The following TTBK2 variants were observed in gnomAD, a reference collection of about 807,000 sequenced individuals.
TTBK2 encodes tau tubulin kinase 2.
In TTBK2, 28 loss-of-function variants were observed where a neutral mutation model predicts 110.8. That is an observed-to-expected ratio of 0.25 (90% confidence interval 0.19 to 0.35). The LOEUF (loss-of-function observed/expected upper bound fraction) is 0.35, where lower values mean the gene tolerates loss of function less well. Ranked by LOEUF, TTBK2 falls within the 10% of genes least tolerant of loss-of-function variation. TTBK2 has a pLI of 1.00. For synonymous variants in TTBK2, 532 were observed against 527.3 expected, an observed-to-expected ratio of 1.01 and a Z score of -0.12; for missense variants, 1,369 against 1,500.3, an observed-to-expected ratio of 0.91 and a Z score of 1.45.
intron 6 of TTBK2, among the ~76,000 whole-genome samples, chr15:42,818,536 G>A (rs1464739946): frequency 2.6e-5 from 4 of 151,930 alleles, no homozygotes; most frequent in East Asian, 2.0e-4. Flanking sequence ...TGGCTAACAC[G>A]GTGAAACCCC....
intron 8 of TTBK2, among the ~76,000 whole-genome samples, 181 bp from the exon 9 acceptor site, chr15:42,810,920 C>T (rs1283666613): frequency 6.6e-6 from 1 of 152,148 alleles, no homozygotes; most frequent in African/African-American, 2.4e-5. Context: ...CGGAAAAAAA[C>T]TATAATGCAG....
At chr15:42,911,601 C>G (rs1158396708) in intron 1 of TTBK2, among the ~76,000 whole-genome samples, 5 of 152,170 alleles carry the variant, frequency 3.3e-5, no homozygotes, top group Non-Finnish European at 5.9e-5. Flanking sequence ...GGAGCCCAGA[C>G]TCATGAGAAG....
At chr15:42,886,771 T>C (rs1596024145) in intron 1 of TTBK2, among the ~76,000 whole-genome samples, 1 of 152,216 alleles carries the variant, frequency 6.6e-6, no homozygotes, top group Admixed American at 6.5e-5. Context: ...AGGCGTTCCT[T>C]CAGGACTTCC....
intron 2 of TTBK2, among the ~76,000 whole-genome samples, chr15:42,876,194 G>A (rs1285864378): frequency 6.6e-6 from 1 of 152,054 alleles, no homozygotes; most frequent in Admixed American, 6.6e-5. Flanking sequence ...TTTTGATGTA[G>A]TTTGTTATAT....
intron 9 of TTBK2, among the ~76,000 whole-genome samples, chr15:42,795,031 T>C (rs924134843): frequency 1.3e-5 from 2 of 152,218 alleles, no homozygotes; most frequent in Non-Finnish European, 2.9e-5. Context: ...GGATACATAA[T>C]GAAGCATCAT....
At chr15:42,797,858 C>A (rs909191816) in intron 9 of TTBK2, among the ~76,000 whole-genome samples, 2 of 151,748 alleles carry the variant, frequency 1.3e-5, no homozygotes, top group African/African-American at 2.4e-5. Flanking sequence ...AGTCCTCATG[C>A]CTTTTTTATT....
At chr15:42,781,452 T>TC (rs1321501843) in intron 11 of TTBK2, among the ~76,000 whole-genome samples, 1 of 152,158 alleles carries the variant, frequency 6.6e-6, no homozygotes, top group African/African-American at 2.4e-5. Context: ...TTTTCTACTT[T>TC]CTTGAGGTAG....
chr15:42,870,956 C>A lies in TTBK2; in HGVS notation c.217+1655G>T, dbSNP rs1894591549. On this transcript the variant is annotated intron_variant, in intron 3 of 14. Transcript: ENST00000267890. Reference sequence around the variant, plus strand: ...TAAAGGGTTAGCATCTGGTTAAATACCTTTTCCTTACATTCAGCCTTTTCA... The same window carrying A: ...TAAAGGGTTAGCATCTGGTTAAATAACTTTTCCTTACATTCAGCCTTTTCA... Among the ~76,000 whole-genome samples the A allele has an allele frequency of 1.3e-5, 2 of 151,982 alleles. 1 individual carries two copies. Among genetic ancestry groups the A allele is most frequent in the Admixed American group, 1.3e-4 (2 of 15,250 alleles).
At chr15:42,856,775 T>C (rs1331754314) in intron 3 of TTBK2, among the ~76,000 whole-genome samples, 1 of 151,992 alleles carries the variant, frequency 6.6e-6, no homozygotes, top group East Asian at 1.9e-4. Flanking sequence ...TTAATAAAAA[T>C]CTAATGCCAG....
intron 4 of TTBK2, among the ~76,000 whole-genome samples, chr15:42,839,861 C>T (rs1893149601): frequency 6.6e-6 from 1 of 152,172 alleles, no homozygotes; most frequent in Non-Finnish European, 1.5e-5. Flanking sequence ...TACTTACTTG[C>T]ACTTCCAACT....
In TTBK2 at chr15:42,752,621, T is replaced by A. The variant is rs951685106; in HGVS notation, c.2625A>T (p.Lys875Asn). The A allele has an allele frequency of 6.2e-7, 1 of 1,614,208 alleles. No individual in the cohort carries two copies. Among genetic ancestry groups the A allele is most frequent in the Non-Finnish European group, 8.5e-7 (1 of 1,180,052 alleles). ...TGTCATCATCCTTAGATATCTTATT[T>A]TTTTGCATTTCTGCCACTTGGCCTA... ...GQIGQVAEMQ[K>N]NKISKDDDIM... Residue 875 changes from lysine (K) to asparagine (N), a missense_variant, in exon 14 of 15, where the codon AAA becomes AAT. Physicochemically the swap from Lys to Asn is moderately conservative, Grantham distance 94. This residue lies in a region of TTBK2 where 1,097 missense variants were observed against 1,114.7 expected (regional missense o/e 0.98). Coordinates refer to ENST00000267890, the MANE Select transcript of TTBK2 (RefSeq NM_173500.4).
At chr15:42,816,557 T>C (rs1458739523) in intron 7 of TTBK2, among the ~76,000 whole-genome samples, 1 of 152,142 alleles carries the variant, frequency 6.6e-6, no homozygotes, top group African/African-American at 2.4e-5. Context: ...CCATTATCAT[T>C]AGTGCCACAC....
intron 10 of TTBK2, among the ~76,000 whole-genome samples, chr15:42,785,825 T>C (rs1291100783): frequency 2.3e-4 from 35 of 152,068 alleles, no homozygotes; most frequent in African/African-American, 7.2e-5. Flanking sequence ...ACCTGGAATG[T>C]CTCAAAGTAG....
chr15:42,785,917 TCA>T (rs1353152997), intron 10 of TTBK2, among the ~76,000 whole-genome samples: 2 of 152,076 alleles, frequency 1.3e-5, no homozygotes, highest in African/African-American at 2.4e-5. Flanking sequence ...ACTTTAAGGG[TCA>T]CAGTTAGATC....
rs1325294134 is a variant in TTBK2 at position 42,753,241 on chromosome 15, T to C, written c.2005A>G (p.Ile669Val). The change falls in exon 14 of 15, where the codon ATT (isoleucine) becomes GTT (valine). Residue 669 changes from isoleucine (I) to valine (V), a missense_variant. By Grantham distance (29) the Ile-to-Val change is conservative. This residue lies in a region of TTBK2 where 1,097 missense variants were observed against 1,114.7 expected (regional missense o/e 0.98). Coordinates refer to ENST00000267890, the MANE Select transcript of TTBK2 (RefSeq NM_173500.4). ...QAEGPLTAIT[I>V]PRPSVASTQS... The stretch of plus-strand genomic sequence containing the variant: ...GTAGATGCCACAGAAGGTCTAGGAA[T>C]TGTAATCTGGAGAAGGGGAAGAAAA... The C allele has an allele frequency of 4.3e-6, 7 of 1,614,022 alleles. No homozygotes were observed. The highest frequency in any genetic ancestry group is 1.7e-5 in the Admixed American group (1 of 59,994).
intron 4 of TTBK2, among the ~76,000 whole-genome samples, chr15:42,833,571 T>G (rs1363811989): frequency 6.6e-6 from 1 of 152,166 alleles, no homozygotes; most frequent in Non-Finnish European, 1.5e-5. Context: ...TAATTTCATC[T>G]ATATACATTA....
chr15:42,810,646 A>T lies in TTBK2; in HGVS notation c.790T>A (p.Ser264Thr). 1 of 1,614,064 alleles carries T rather than the reference A, an allele frequency of 6.2e-7. No homozygotes were observed. The highest frequency in any genetic ancestry group is 8.5e-7 in the Non-Finnish European group (1 of 1,179,950). Reference sequence around the variant, plus strand: ...TCTGGTTTTGTAAAATAATCCAAAGAAGAGATATGGTCTAGAAAGATGCTG... The same window carrying T: ...TCTGGTTTTGTAAAATAATCCAAAGTAGAGATATGGTCTAGAAAGATGCTG... ...EFSIFLDHIS[S>T]LDYFTKPDYQ... The change falls in exon 9 of 15, where the codon TCT becomes ACT. Residue 264 changes from serine to threonine, a missense_variant. Physicochemically the swap from Ser to Thr is moderately conservative, Grantham distance 58. Around this residue, in one of 4 missense-constraint regions of TTBK2, gnomAD observed 138 missense variants for 179.0 expected, o/e 0.77. Transcript: ENST00000267890.
At chr15:42,863,461 T>G (rs892701334) in intron 3 of TTBK2, among the ~76,000 whole-genome samples, 24 of 152,176 alleles carry the variant, frequency 1.6e-4, no homozygotes, top group African/African-American at 5.8e-4. Context: ...TCCATGCTCA[T>G]GGACTGGAAG....
Position 42,794,682 on chromosome 15 carries a change from GGT to G in TTBK2, c.940_941del (p.Thr314ProfsTer31), listed in dbSNP as rs1890854192. On this transcript the variant is annotated frameshift_variant, in exon 10 of 15. Transcript: ENST00000267890. LOFTEE classifies it high-confidence loss of function. ...GSLTTTTTST[T>X]PQLHTRLTPA... ...GGGTCAAGCGAGTGTGCAACTGAGG[GGT>G]GGTAGAAGTAGTGGTGGTTGTTAGG... The G allele has an allele frequency of 6.2e-7, 1 of 1,613,946 alleles. No homozygotes were observed. The highest frequency in any genetic ancestry group is 1.3e-5 in the African/African-American group (1 of 74,852).
Sources: allele counts gnomAD v4.1 joint callset (sites outside exome capture counted in the v4.1 genomes callset), GRCh38; gene constraint gnomAD v4.1.1; regional missense constraint gnomAD v4.1.1; transcripts MANE v1.5; gene names NCBI Gene and HGNC (gene_info 2026-07-23, HGNC 2026-07-21).